Variants in SEPTIN9 observed in about 807,000 individuals in gnomAD.
The protein encoded by SEPTIN9 is septin 9.
Under a neutral mutation model 56.6 loss-of-function variants are expected in SEPTIN9, and 13 were observed. That is an observed-to-expected ratio of 0.23 (90% confidence interval 0.15 to 0.37). The LOEUF (loss-of-function observed/expected upper bound fraction) is 0.37. Among genes scored for constraint, SEPTIN9 ranks in the 10% least tolerant of loss-of-function variants. The pLI is 1.00. For missense variants in SEPTIN9, 650 were observed against 823.1 expected (o/e 0.79, Z 2.57); for synonymous variants, 332 against 334.1 (o/e 0.99, Z 0.07).
chr17:77,372,066 C>T (rs1361312901), intron 2 of SEPTIN9, among the ~76,000 whole-genome samples: 2 of 152,096 alleles, frequency 1.3e-5, no homozygotes, highest in Non-Finnish European at 2.9e-5. Context: ...AGCTGTCAGG[C>T]GCTCCCCGGC....
At chr17:77,296,361 A>G (rs1191244179) in intron 1 of SEPTIN9, among the ~76,000 whole-genome samples, 4 of 152,198 alleles carry the variant, frequency 2.6e-5, no homozygotes, top group African/African-American at 9.6e-5. Context: ...GGATGGCTAG[A>G]TAGACAGACA....
At chr17:77,286,813 T>A (rs1389107219) in intron 1 of SEPTIN9, among the ~76,000 whole-genome samples, 17 of 152,162 alleles carry the variant, frequency 1.1e-4, no homozygotes, top group Non-Finnish European at 1.5e-4. Context: ...ATGATGGCAG[T>A]TCCTGGGCAG....
At chr17:77,494,718 GA>G (rs1270792241) in intron 10 of SEPTIN9, among the ~76,000 whole-genome samples, 2 of 152,094 alleles carry the variant, frequency 1.3e-5, no homozygotes, top group Non-Finnish European at 2.9e-5. Context: ...GCTGTGAGCA[GA>G]AAACCTGCCA....
chr17:77,360,650 C>T (rs111293791), intron 2 of SEPTIN9, among the ~76,000 whole-genome samples: 42,044 of 151,920 alleles, frequency 0.28, 6,167 homozygotes, highest in African/African-American at 0.31. Flanking sequence ...CTGCAAGCTC[C>T]GCCTCCCTGG....
chr17:77,457,869 A>G (rs2038284812), intron 3 of SEPTIN9, among the ~76,000 whole-genome samples: 2 of 152,204 alleles, frequency 1.3e-5, no homozygotes, highest in Admixed American at 1.3e-4. Flanking sequence ...TACTCTTCTT[A>G]GAGGGTGAAT....
At chr17:77,466,482 G>A (rs917795836) in intron 3 of SEPTIN9, 11 of 985,436 alleles carry the variant, frequency 1.1e-5, no homozygotes, top group African/African-American at 5.2e-5. Context: ...CTGCGTGAGC[G>A]TGAGCGAGCC....
intron 10 of SEPTIN9, among the ~76,000 whole-genome samples, chr17:77,495,373 G>A (rs1167905671): frequency 5.3e-5 from 8 of 152,190 alleles, no homozygotes; most frequent in Non-Finnish European, 4.4e-5. Context: ...TGAGTTCATA[G>A]CTGACCTGAC....
Position 77,330,029 on chromosome 17 carries a change from C to T in SEPTIN9, c.76+22832C>T, listed in dbSNP as rs1007097446. 6.6e-6 allele frequency among the ~76,000 whole-genome samples: 1 copy of T among 152,194 alleles called. No homozygotes were observed. Among genetic ancestry groups the T allele is most frequent in the Non-Finnish European group, 1.5e-5 (1 of 68,036 alleles). On this transcript the variant is annotated intron_variant, in intron 2 of 11. Transcript: ENST00000427177. This position sits in a 1 kb window ranked among gnomAD's most constrained non-coding sequence, Gnocchi z 4.4. ...CCCGCTCCATCCCCAGCTGGGGCTC[C>T]CTGTGCTCACCTTCTGCTTCCTTCC...
At chr17:77,397,743 G>A (rs891533406) in intron 2 of SEPTIN9, among the ~76,000 whole-genome samples, 3 of 152,086 alleles carry the variant, frequency 2.0e-5, no homozygotes, top group African/African-American at 4.8e-5. Flanking sequence ...TCTGCCTCCC[G>A]AATTTAAGTG....
Position 77,412,986 on chromosome 17 carries a change from A to G in SEPTIN9, c.721+10283A>G, listed in dbSNP as rs535642611. Among the ~76,000 whole-genome samples, 45 of 152,198 alleles carry G rather than the reference A, an allele frequency of 3.0e-4. No individual in the cohort carries two copies. In the East Asian group the frequency reaches 6.6e-3, roughly 22 times the overall value. ...TGTGGTTTCATTTTTACATGTTGAAATCATGAATCCATTGGAATGTATTTT... is the reference window on the plus strand; with the variant it reads ...TGTGGTTTCATTTTTACATGTTGAAGTCATGAATCCATTGGAATGTATTTT... On this transcript the variant is annotated intron_variant, in intron 3 of 11. Transcript: ENST00000427177.
intron 3 of SEPTIN9, among the ~76,000 whole-genome samples, chr17:77,415,307 G>A (rs1445728613): frequency 3.3e-5 from 5 of 152,110 alleles, no homozygotes; most frequent in Non-Finnish European, 7.4e-5. Flanking sequence ...GGTAATGTTT[G>A]TTTATTCAAG....
chr17:77,496,837 A>G (rs1351364944), intron 10 of SEPTIN9, among the ~76,000 whole-genome samples: 1 of 152,148 alleles, frequency 6.6e-6, no homozygotes, highest in Non-Finnish European at 1.5e-5. Context: ...TGGGGGTAAC[A>G]CCCTGTGGGC....
intron 3 of SEPTIN9, among the ~76,000 whole-genome samples, chr17:77,455,565 A>G (rs1465546324): frequency 6.6e-6 from 1 of 152,184 alleles, no homozygotes; most frequent in Non-Finnish European, 1.5e-5. Flanking sequence ...AGGGGCCACC[A>G]CAGGACCAGG....
intron 3 of SEPTIN9, among the ~76,000 whole-genome samples, chr17:77,409,540 G>T (rs922105273): frequency 1.3e-5 from 2 of 152,222 alleles, no homozygotes; most frequent in African/African-American, 4.8e-5. Context: ...GGCGCTGGGG[G>T]CGGTTTCTCT....
At chr17:77,374,509 C>T (rs898354230) in intron 2 of SEPTIN9, 1 of 152,308 alleles carries the variant, frequency 6.6e-6, no homozygotes, top group Non-Finnish European at 1.5e-5. Context: ...GGGCCTGCCT[C>T]TGCCGGGACC....
chr17:77,432,436 G>GC (rs1052710975), intron 3 of SEPTIN9, among the ~76,000 whole-genome samples: 1 of 152,200 alleles, frequency 6.6e-6, no homozygotes, highest in African/African-American at 2.4e-5. Context: ...CATGGCCGAG[G>GC]CCCCGTCTGT....
At position 77,450,600 on chromosome 17, in the gene SEPTIN9, G is replaced by A. The variant is rs994998278; in HGVS notation, c.722-31544G>A. 1 of 985,712 alleles carries A rather than the reference G, an allele frequency of 1.0e-6. No homozygotes were observed. The highest frequency in any genetic ancestry group is 1.2e-6 in the Non-Finnish European group (1 of 830,176). 61.1% of individuals were successfully genotyped at this position (985,712 alleles called of 1,614,324 possible). A position where few individuals can be genotyped will look rare whatever the true frequency, so the allele number is the denominator to read the frequency against. ...CCAGCGTCCAGGCCCAGCCCCTATA[G>A]TGTCAGCTCCCTCCTCTGGGGACCC... On this transcript the variant is annotated intron_variant, in intron 3 of 11. Transcript: ENST00000427177. The surrounding 1 kb of genome is among the most constrained non-coding windows in gnomAD (Gnocchi z 6.0).
chr17:77,407,282 C>CAA (rs58585658), intron 3 of SEPTIN9, among the ~76,000 whole-genome samples: 1,576 of 44,570 alleles, frequency 0.035, 183 homozygotes, highest in African/African-American at 0.095. Context: ...GACCCTGTCT[C>CAA]AAAAAAAAAA....
In SEPTIN9 at chr17:77,367,597, C is replaced by T. The variant is rs1274263311; in HGVS notation, c.77-34462C>T. Among the ~76,000 whole-genome samples the T allele has an allele frequency of 6.6e-6, 1 of 152,062 alleles. No individual in the cohort carries two copies. The highest frequency in any genetic ancestry group is 1.5e-5 in the Non-Finnish European group (1 of 67,988). On this transcript the variant is annotated intron_variant, in intron 2 of 11. Transcript: ENST00000427177. The surrounding 1 kb of genome is among the most constrained non-coding windows in gnomAD (Gnocchi z 4.5). ...TTGGGAGGCTGAGGAGGATGGATCA[C>T]TTGAGGCCAGGAGTTCGAGACTACC...
Sources: allele counts gnomAD v4.1 joint callset (sites outside exome capture counted in the v4.1 genomes callset), GRCh38; gene constraint gnomAD v4.1.1; non-coding constraint Gnocchi (gnomAD v3.1); transcripts MANE v1.5; gene names NCBI Gene and HGNC (gene_info 2026-07-23, HGNC 2026-07-21).